Variants in UBXN11 observed in about 807,000 individuals in gnomAD.
UBXN11 encodes the protein UBX domain-containing protein 11.
A neutral mutation model predicts 62.8 loss-of-function variants in UBXN11; 47 were observed. That is an observed-to-expected ratio of 0.75 (90% CI 0.59 to 0.95). The LOEUF (loss-of-function observed/expected upper bound fraction) is 0.95. Ranked by LOEUF, UBXN11 falls within the 40% of genes least tolerant of loss-of-function variation. The probability of loss-of-function intolerance (pLI) is 0.00; values close to 1 mark genes in which losing one functional copy is unlikely to be tolerated. For missense variants in UBXN11, 638 were observed against 661.7 expected (o/e 0.96, Z 0.39); for synonymous variants, 294 against 267.0 (o/e 1.10, Z -0.99).
At chr1:26,284,105 C>T (rs761624435) in intron 12 of UBXN11, 37 bp downstream of exon 12, 3 of 1,552,064 alleles carry the variant, frequency 1.9e-6, no homozygotes, top group Middle Eastern at 1.7e-4. Flanking sequence ...TGCTAAAGTT[C>T]CCCCAGGAGG....
chr1:26,294,884 C>T (rs2073356844), intron 7 of UBXN11, among the ~76,000 whole-genome samples: 1 of 152,222 alleles, frequency 6.6e-6, no homozygotes, highest in Non-Finnish European at 1.5e-5. Flanking sequence ...TACCCGCTGC[C>T]AAGCGCATGG....
At chr1:26,294,078 GCT>G in intron 8 of UBXN11, 125 bp downstream of exon 8, 1 of 1,424,032 alleles carries the variant, frequency 7.0e-7, no homozygotes, top group South Asian at 1.3e-5. Flanking sequence ...CAAGTTGTGG[GCT>G]CTCAGGGCGT....
upstream of UBXN11, among the ~76,000 whole-genome samples, chr1:26,311,381 C>A (rs978017942): frequency 6.6e-6 from 1 of 151,680 alleles, no homozygotes; most frequent in African/African-American, 2.4e-5. Flanking sequence ...ACCTCATGAT[C>A]CACCCGCCTC....
Position 26,282,385 on chromosome 1 carries a change from G to A in UBXN11, c.1477C>T (p.Pro493Ser), listed in dbSNP as rs747728659. 8 of 715,286 alleles carry A rather than the reference G, an allele frequency of 1.1e-5. No individual in the cohort carries two copies. The Admixed American group carries it at 1.7e-4, about 15-fold the overall frequency. The allele number at this position is 715,286 out of a possible 1,614,324, so 44.3% of individuals were successfully genotyped here. A position where few individuals can be genotyped will look rare whatever the true frequency, so the allele number is the denominator to read the frequency against. Residue 493 changes from proline to serine, a missense_variant, in exon 15 of 15, where the codon CCC becomes TCC. Pro to Ser is a moderately conservative substitution (Grantham distance 74, BLOSUM62 -1). Transcript: ENST00000374222. ...GGGCCGGGACCGGGACCGGGACTGG[G>A]GCCGGGACCGGGACCGGGACAGGGA... ...PGPCPGPGPG[P>S]SPGPGPGPSP...
At chr1:26,306,830 G>GGC (rs1438484094), upstream of UBXN11, 1 of 41,188 alleles carries the variant, frequency 2.4e-5, no homozygotes, top group Non-Finnish European at 6.4e-5. Flanking sequence ...GGGGCGGGGT[G>GGC]GGGGGGGGGG....
At chr1:26,301,149 T>C (rs2073524680) in intron 3 of UBXN11, 125 bp from the exon 4 acceptor site, 1 of 1,538,132 alleles carries the variant, frequency 6.5e-7, no homozygotes, top group South Asian at 1.2e-5. Context: ...GAGAGAGAAT[T>C]CACAAGGCTG....
upstream of UBXN11, chr1:26,306,833 G>GGGGGGGGGGGGGGT (rs1553165087): frequency 6.2e-5 from 2 of 32,068 alleles, no homozygotes; most frequent in Non-Finnish European, 2.5e-4. Context: ...GCGGGGTGGG[G>GGGGGGGGGGGGGGT]GGGGGGGGTG....
chr1:26,307,624 C>CTTT (rs58120340), upstream of UBXN11, among the ~76,000 whole-genome samples: 22 of 127,920 alleles, frequency 1.7e-4, no homozygotes, highest in African/African-American at 6.5e-4. Flanking sequence ...TTTTCTGTTG[C>CTTT]TTTTTTTTTT....
rs535769333 is a variant in UBXN11, at chr1:26,312,582, T to C, written c.-149+5465A>G. 5.3e-5 allele frequency among the ~76,000 whole-genome samples: 8 copies of C among 152,080 alleles called. No individual in the cohort carries two copies. In the South Asian group the frequency reaches 1.7e-3, roughly 32 times the overall value. On this transcript the variant is annotated intron_variant, in intron 1 of 14. Transcript: ENST00000374217. ...TAGCATTTCTTCTTCAGTTTTGTGATTTTCGTATGGGTCTCCCTGCTGGAC... is the reference window on the plus strand; with the variant it reads ...TAGCATTTCTTCTTCAGTTTTGTGACTTTCGTATGGGTCTCCCTGCTGGAC...
Position 26,298,892 on chromosome 1 carries a change from C to G in UBXN11, c.200-830G>C, listed in dbSNP as rs1031280226. 2.1e-4 allele frequency among the ~76,000 whole-genome samples: 32 copies of G among 151,634 alleles called. 1 individual carries two copies. The highest frequency in any genetic ancestry group is 1.8e-3 in the Admixed American group (27 of 15,188). On this transcript the variant is annotated intron_variant, in intron 4 of 14. Coordinates refer to ENST00000374222, the MANE Select transcript of UBXN11 (RefSeq NM_001389556.1). ...GACAGTGTCCTTTCTATGTATGAAG[C>G]AGGAACCGCGGCCATCATCCTACAA...
At chr1:26,313,393 C>T (rs1011247425) in intron 1 of UBXN11, among the ~76,000 whole-genome samples, 8 of 152,214 alleles carry the variant, frequency 5.3e-5, no homozygotes, top group Non-Finnish European at 1.5e-5. Flanking sequence ...TTCCTGACCA[C>T]TGACCTAGAA....
intron 8 of UBXN11, among the ~76,000 whole-genome samples, chr1:26,293,162 TTG>T (rs2124649726): frequency 6.6e-6 from 1 of 152,340 alleles, no homozygotes; most frequent in South Asian, 2.1e-4. Context: ...CATTTGCTCC[TTG>T]TAACTCCCAG....
intron 7 of UBXN11, among the ~76,000 whole-genome samples, chr1:26,296,088 C>T (rs1405221454): frequency 1.3e-5 from 2 of 152,226 alleles, no homozygotes; most frequent in Admixed American, 6.5e-5. Context: ...ACCAATTCTG[C>T]GTGGAGAGGG....
Position 26,284,189 on chromosome 1 carries a change from G to C in UBXN11, c.1030C>G (p.Gln344Glu), listed in dbSNP as rs2073069513. Residue 344 changes from glutamine (Q) to glutamate (E), a missense_variant, in exon 12 of 15, where the codon CAA becomes GAA. By Grantham distance (29) the Gln-to-Glu change is conservative. Transcript: ENST00000374222. ...CCCCGGATGTCAATCACCTCGCCTT[G>C]CCGGATCACAAACTTGGGGAGCCTG... ...LNRLPKFVIR[Q>E]GEVIDIRGPI... 6.2e-7 allele frequency: 1 copy of C among 1,613,152 alleles called. No individual in the cohort carries two copies. Among genetic ancestry groups the C allele is most frequent in the Non-Finnish European group, 8.5e-7 (1 of 1,179,586 alleles).
intron 7 of UBXN11, 36 bp from the exon 8 acceptor site, chr1:26,294,367 A>G (rs753026786): frequency 1.2e-6 from 2 of 1,607,178 alleles, no homozygotes; most frequent in Non-Finnish European, 1.7e-6. Context: ...GGGCACCGTC[A>G]GCTCAGCCCC....
chr1:26,302,146 C>T (rs1382928367), intron 2 of UBXN11, among the ~76,000 whole-genome samples: 1 of 151,996 alleles, frequency 6.6e-6, no homozygotes, highest in Non-Finnish European at 1.5e-5. Flanking sequence ...GGGCAGATCA[C>T]GAGGTCAGGA....
At chr1:26,315,504 A>G (rs1406980371) in intron 1 of UBXN11, among the ~76,000 whole-genome samples, 1 of 152,146 alleles carries the variant, frequency 6.6e-6, no homozygotes, top group Non-Finnish European at 1.5e-5. Flanking sequence ...TGAGAACTTG[A>G]GTCAAGGGTG....
At position 26,286,051 on chromosome 1, in the gene UBXN11, C is replaced by G; in HGVS notation, c.560-14G>C. ...CCAATGAGTCCCCTGGCAAAGAGGA[C>G]AGACACCTGTGAGCCGCCTTTTGGC... On this transcript the variant is annotated splice_polypyrimidine_tract_variant and intron_variant, in intron 8 of 14. Transcript: ENST00000374222. The G allele has an allele frequency of 6.3e-7, 1 of 1,586,536 alleles. No individual in the cohort carries two copies. The highest frequency in any genetic ancestry group is 8.6e-7 in the Non-Finnish European group (1 of 1,161,792).
chr1:26,282,356 ACTGGGGCCGGGACCG>A lies in UBXN11; in HGVS notation c.1491_1505del (p.Gly498_Ser502del), dbSNP rs2073008891. 14 of 360,322 alleles carry A rather than the reference ACTGGGGCCGGGACCG, an allele frequency of 3.9e-5. No homozygotes were observed. The highest frequency in any genetic ancestry group is 6.7e-4 in the Middle Eastern group (1 of 1,494). The allele number at this position is 360,322 out of a possible 1,614,324, so 22.3% of individuals were successfully genotyped here. A position where few individuals can be genotyped will look rare whatever the true frequency, so the allele number is the denominator to read the frequency against. On this transcript the variant is annotated inframe_deletion, in exon 15 of 15. Coordinates refer to ENST00000374222, the MANE Select transcript of UBXN11 (RefSeq NM_001389556.1). ...GACTGGGGCCGGGACCGGGACCGGG[ACTGGGGCCGGGACCG>A]GGACCGGGACTGGGGCCGGGACCGG...
Sources: allele counts gnomAD v4.1 joint callset (sites outside exome capture counted in the v4.1 genomes callset), GRCh38; gene constraint gnomAD v4.1.1; transcripts MANE v1.5; gene names NCBI Gene and HGNC (gene_info 2026-07-23, HGNC 2026-07-21).